RSRC1: variants seen among roughly 807,000 people sequenced by gnomAD.
RSRC1 encodes the protein serine/Arginine-related protein 53.
RSRC1 carries 39 observed loss-of-function variants against 49.1 expected under a neutral mutation model. That is an observed-to-expected ratio of 0.79 (90% confidence interval 0.61 to 1.04). RSRC1 has a LOEUF of 1.04. Among genes scored for constraint, RSRC1 ranks in the 50% least tolerant of loss-of-function variants. The probability of loss-of-function intolerance (pLI) is 0.00; values close to 1 mark genes in which losing one functional copy is unlikely to be tolerated. For synonymous variants in RSRC1, 143 were observed against 130.8 expected (o/e 1.09, Z -0.63); for missense variants, 388 against 402.4 (o/e 0.96, Z 0.31).
chr3:158,116,502 C>T lies in RSRC1; in HGVS notation c.-2-5601C>T, dbSNP rs187746425. Among the ~76,000 whole-genome samples the T allele has an allele frequency of 2.2e-3, 335 of 151,716 alleles. 2 individuals carry two copies. Among genetic ancestry groups the T allele is most frequent in the African/African-American group, 7.8e-3 (324 of 41,376 alleles). On this transcript the variant is annotated intron_variant, in intron 1 of 9. Transcript: ENST00000611884. ...TTAGTAAAATTTATGATTTTTACTG[C>T]TTTATTGAGGACATTCTTAATTGAA...
intron 4 of RSRC1, among the ~76,000 whole-genome samples, chr3:158,205,752 C>A (rs1269220641): frequency 6.6e-6 from 1 of 152,060 alleles, no homozygotes; most frequent in Non-Finnish European, 1.5e-5. Context: ...TCTGGCTTCC[C>A]TGGGCCACAC....
chr3:158,385,228 C>T (rs1171333585), intron 6 of RSRC1, among the ~76,000 whole-genome samples: 3 of 152,022 alleles, frequency 2.0e-5, no homozygotes, highest in Admixed American at 6.6e-5. Flanking sequence ...TATAACAGTT[C>T]CTGACACTAT....
intron 5 of RSRC1, among the ~76,000 whole-genome samples, chr3:158,324,618 A>G (rs1024037916): frequency 2.0e-5 from 3 of 152,072 alleles, no homozygotes; most frequent in African/African-American, 7.2e-5. Context: ...ACATTTTCTT[A>G]ATCCAGTCTA....
chr3:158,374,274 G>A (rs1229439791), intron 6 of RSRC1, among the ~76,000 whole-genome samples: 1 of 151,974 alleles, frequency 6.6e-6, no homozygotes, highest in African/African-American at 2.4e-5. Context: ...AGTATTCTAA[G>A]CCAGTGAAGT....
intron 6 of RSRC1, among the ~76,000 whole-genome samples, chr3:158,378,052 G>C (rs995812788): frequency 6.6e-6 from 1 of 152,074 alleles, no homozygotes; most frequent in African/African-American, 2.4e-5. Context: ...TTTCAGGTTG[G>C]ATCATCTCTA....
chr3:158,354,408 C>G (rs917676140), intron 5 of RSRC1, among the ~76,000 whole-genome samples: 20 of 152,190 alleles, frequency 1.3e-4, no homozygotes, highest in Non-Finnish European at 1.9e-4. Flanking sequence ...CTATCTTCAT[C>G]ACAATTGTTC....
At chr3:158,200,333 C>G (rs996682902) in intron 3 of RSRC1, among the ~76,000 whole-genome samples, 1 of 152,104 alleles carries the variant, frequency 6.6e-6, no homozygotes, top group Non-Finnish European at 1.5e-5. Flanking sequence ...CTACCACGCC[C>G]GGCCTGGCCA....
intron 6 of RSRC1, among the ~76,000 whole-genome samples, chr3:158,362,452 A>G (rs1476152062): frequency 6.6e-6 from 1 of 152,254 alleles, no homozygotes; most frequent in Non-Finnish European, 1.5e-5. Context: ...TTTGTAAGTA[A>G]GTCATTGTAG....
intron 3 of RSRC1, among the ~76,000 whole-genome samples, chr3:158,148,514 TG>T (rs1717311411): frequency 6.6e-6 from 1 of 152,044 alleles, no homozygotes; most frequent in African/African-American, 2.4e-5. Context: ...CTTAGAACCA[TG>T]TATTTTGACT....
intron 3 of RSRC1, among the ~76,000 whole-genome samples, chr3:158,130,517 A>G (rs1715945248): frequency 1.3e-5 from 2 of 152,224 alleles, no homozygotes; most frequent in Non-Finnish European, 2.9e-5. Context: ...TAATATTTAC[A>G]TATACATAAT....
At chr3:158,281,232 G>T (rs1726146174) in intron 4 of RSRC1, among the ~76,000 whole-genome samples, 1 of 151,992 alleles carries the variant, frequency 6.6e-6, no homozygotes, top group South Asian at 2.1e-4. Context: ...GCAGAAGGAT[G>T]AATGATAAGA....
intron 5 of RSRC1, among the ~76,000 whole-genome samples, chr3:158,340,266 G>A (rs1042808811): frequency 6.6e-6 from 1 of 152,164 alleles, no homozygotes; most frequent in Non-Finnish European, 1.5e-5. Context: ...TCCCTGGCCA[G>A]GCATGGTGGC....
At chr3:158,516,095 G>A (rs1204965401) in intron 7 of RSRC1, among the ~76,000 whole-genome samples, 1 of 152,226 alleles carries the variant, frequency 6.6e-6, no homozygotes, top group African/African-American at 2.4e-5. Context: ...TCTTCTCTCA[G>A]CTCGTCAAAG....
At chr3:158,284,162 G>A (rs1222223086) in intron 4 of RSRC1, among the ~76,000 whole-genome samples, 17 of 151,248 alleles carry the variant, frequency 1.1e-4, no homozygotes, top group Admixed American at 5.3e-4. Flanking sequence ...TTATTCTTGC[G>A]ATAGTTTACT....
At chr3:158,406,990 A>T (rs1266942896) in intron 6 of RSRC1, among the ~76,000 whole-genome samples, 1 of 152,112 alleles carries the variant, frequency 6.6e-6, no homozygotes, top group African/African-American at 2.4e-5. Flanking sequence ...GACCCTACTG[A>T]GAGTATAAGG....
At chr3:158,500,460 C>T (rs1008121257) in intron 7 of RSRC1, among the ~76,000 whole-genome samples, 5 of 151,864 alleles carry the variant, frequency 3.3e-5, no homozygotes, top group African/African-American at 1.2e-4. Flanking sequence ...CTTTGAATAT[C>T]GGTAGAATTC....
At chr3:158,457,147 A>G (rs1162253242) in intron 6 of RSRC1, among the ~76,000 whole-genome samples, 2 of 152,208 alleles carry the variant, frequency 1.3e-5, no homozygotes, top group African/African-American at 2.4e-5. Flanking sequence ...AAGTACTCGT[A>G]TTAGAAGTAC....
intron 3 of RSRC1, among the ~76,000 whole-genome samples, chr3:158,168,973 C>T (rs1396072555): frequency 1.3e-5 from 2 of 152,172 alleles, no homozygotes; most frequent in Non-Finnish European, 1.5e-5. Flanking sequence ...TTCACAAGAT[C>T]GGATGGGAGG....
chr3:158,489,550 T>C (rs182907114), intron 7 of RSRC1, among the ~76,000 whole-genome samples: 2 of 152,214 alleles, frequency 1.3e-5, no homozygotes, highest in Non-Finnish European at 2.9e-5. Context: ...AGTTGTAGTT[T>C]ATTTTTATAT....
Sources: gnomAD v4.1 joint callset for allele counts (sites outside exome capture counted in the v4.1 genomes callset) on GRCh38, gnomAD v4.1.1 for gene constraint, MANE v1.5 for transcripts, NCBI Gene and HGNC (gene_info 2026-07-23, HGNC 2026-07-21) for gene names.